MYH15: variants seen among roughly 807,000 people sequenced by gnomAD.
MYH15 encodes the protein myosin-15.
A neutral mutation model predicts 240.5 loss-of-function variants in MYH15; 227 were observed. The observed-to-expected ratio is 0.94, with a 90% CI of 0.85 to 1.05. The LOEUF (loss-of-function observed/expected upper bound fraction) is 1.05. MYH15 is among the 50% of genes least tolerant of loss of function. The pLI is 0.00. For synonymous variants in MYH15, 785 were observed against 796.7 expected, an observed-to-expected ratio of 0.99 and a Z score of 0.25; for missense variants, 2,217 against 2,247.5, an observed-to-expected ratio of 0.99 and a Z score of 0.27.
intron 1 of MYH15, among the ~76,000 whole-genome samples, chr3:108,522,032 G>A (rs1017822675): frequency 2.0e-5 from 3 of 152,088 alleles, no homozygotes; most frequent in Admixed American, 1.3e-4. Context: ...TAACAAGACC[G>A]GTTTTAAGAG....
rs2082877484 is a variant in MYH15, at chr3:108,440,685, C to T, written c.2898+333G>A. ...ATCTTTTAGCAAACCATATCATGCT[C>T]CCTCTCCTTCCAAAAAAAAAAAAAA... On this transcript the variant is annotated intron_variant, in intron 23 of 40. Transcript: ENST00000693548. Among the ~76,000 whole-genome samples, 2 of 110,450 alleles carry T rather than the reference C, an allele frequency of 1.8e-5. 1 individual carries two copies. Among genetic ancestry groups the T allele is most frequent in the East Asian group, 5.0e-4 (2 of 4,012 alleles). The allele number at this position is 110,450 out of a possible 152,430, so 72.5% of individuals were successfully genotyped here.
chr3:108,530,628 TCTGGTGGGGATGTTG>T (rs2083705151), upstream of MYH15, among the ~76,000 whole-genome samples: 1 of 152,162 alleles, frequency 6.6e-6, no homozygotes, highest in South Asian at 2.1e-4. Flanking sequence ...AGATGTGTAC[TCTGGTGGGGATGTTG>T]ATAATGGGTG....
intron 1 of MYH15, among the ~76,000 whole-genome samples, chr3:108,520,312 G>T (rs150963360): frequency 5.3e-5 from 8 of 152,036 alleles, no homozygotes; most frequent in Non-Finnish European, 8.8e-5. Flanking sequence ...ACCCCCATGC[G>T]AAAACTATCA....
chr3:108,453,308 T>TG (rs1247162474), intron 21 of MYH15, among the ~76,000 whole-genome samples: 5 of 152,142 alleles, frequency 3.3e-5, no homozygotes, highest in African/African-American at 4.8e-5. Flanking sequence ...CTTTTTCTCT[T>TG]GGGAAAAAAC....
intron 39 of MYH15, 139 bp from the exon 40 acceptor site, chr3:108,383,868 G>C (rs2082363204): frequency 1.2e-5 from 8 of 654,544 alleles, no homozygotes; most frequent in Middle Eastern, 4.4e-4. Context: ...ATCATATTTT[G>C]GTATGATATA....
intron 38 of MYH15, 108 bp downstream of exon 38, chr3:108,388,862 A>G: frequency 3.5e-6 from 3 of 854,516 alleles, no homozygotes; most frequent in Non-Finnish European, 5.6e-6. Context: ...GAGAACAAAG[A>G]TGAAGAGAGA....
chr3:108,484,942 G>T, intron 11 of MYH15, 149 bp downstream of exon 11: 1 of 763,614 alleles, frequency 1.3e-6, no homozygotes, highest in Non-Finnish European at 2.1e-6. Flanking sequence ...TAGAATGGTA[G>T]TTGACAGAAC....
chr3:108,549,053 G>A, the MYH15 span, among the ~76,000 whole-genome samples: 1 of 151,962 alleles, frequency 6.6e-6, no homozygotes, highest in East Asian at 1.9e-4. Flanking sequence ...AGTGTAAATA[G>A]TAACGGAACT....
chr3:108,391,656 G>A, intron 37 of MYH15, 104 bp downstream of exon 37: 2 of 1,212,514 alleles, frequency 1.6e-6, no homozygotes, highest in South Asian at 1.5e-5. Context: ...AAGCAAAAGT[G>A]ATAAAGGGTA....
At chr3:108,450,202 T>C (rs894167643) in intron 21 of MYH15, among the ~76,000 whole-genome samples, 1 of 152,164 alleles carries the variant, frequency 6.6e-6, no homozygotes, top group Admixed American at 6.5e-5. Flanking sequence ...ATCCCATTAA[T>C]ATTTCAAAAT....
rs767694772 is a variant in MYH15 at position 108,485,241 on chromosome 3, G to C, written c.976-12C>G. 3.1e-6 allele frequency: 5 copies of C among 1,613,636 alleles called. No individual in the cohort carries two copies. The East Asian group carries it at 1.1e-4, about 36-fold the overall frequency. The stretch of plus-strand genomic sequence containing the variant: ...ATGTCCATGGCTTGCTGTAAAAAGA[G>C]AAACAGATGGCCCTGTCTTCATTTG... On this transcript the variant is annotated splice_polypyrimidine_tract_variant and intron_variant, in intron 10 of 40. Coordinates refer to ENST00000693548, the MANE Select transcript of MYH15 (RefSeq NM_014981.3).
At chr3:108,521,563 C>A (rs1274198626) in intron 1 of MYH15, among the ~76,000 whole-genome samples, 3 of 152,184 alleles carry the variant, frequency 2.0e-5, no homozygotes, top group African/African-American at 7.2e-5. Flanking sequence ...CCTATTACAA[C>A]AGCATTGAGG....
In MYH15 at chr3:108,437,468, G is replaced by A. The variant is rs185525350; in HGVS notation, c.3221+86C>T. The stretch of plus-strand genomic sequence containing the variant: ...TTGGGTCTTGAGCTATCTGGCCCTG[G>A]AGTCCTAAGGATAAATGAAATGAGA... On this transcript the variant is annotated intron_variant, in intron 25 of 40. Transcript: ENST00000693548. 4 of 1,483,332 alleles carry A rather than the reference G, an allele frequency of 2.7e-6. No individual in the cohort carries two copies. In the East Asian group the frequency reaches 6.9e-5, roughly 26 times the overall value. 91.9% of individuals were successfully genotyped at this position (1,483,332 alleles called of 1,614,324 possible).
intron 12 of MYH15, among the ~76,000 whole-genome samples, chr3:108,475,812 G>A (rs2083214910): frequency 6.6e-6 from 1 of 152,032 alleles, no homozygotes; most frequent in Non-Finnish European, 1.5e-5. Context: ...TTACCCAGTG[G>A]CCCTGGGAAT....
intron 18 of MYH15, among the ~76,000 whole-genome samples, chr3:108,457,763 G>A (rs1242386889): frequency 6.6e-6 from 1 of 152,252 alleles, no homozygotes; most frequent in Non-Finnish European, 1.5e-5. Context: ...GGCTGGCACA[G>A]CGGCTCATGC....
At chr3:108,443,927 A>G (rs767013587) in intron 22 of MYH15, among the ~76,000 whole-genome samples, 17 of 145,084 alleles carry the variant, frequency 1.2e-4, no homozygotes, top group Non-Finnish European at 1.2e-4. Flanking sequence ...AACTGTTTTA[A>G]AAACTCAGCT....
At chr3:108,497,710 T>G (rs962576334) in intron 6 of MYH15, among the ~76,000 whole-genome samples, 4 of 152,068 alleles carry the variant, frequency 2.6e-5, no homozygotes, top group Non-Finnish European at 4.4e-5. Context: ...GCTAAAGGGA[T>G]TCAGAAATAT....
At chr3:108,436,713 A>C (rs990990427) in intron 25 of MYH15, among the ~76,000 whole-genome samples, 4 of 152,044 alleles carry the variant, frequency 2.6e-5, no homozygotes, top group Non-Finnish European at 5.9e-5. Context: ...TAATTTTTGT[A>C]TTTTTAGTAG....
intron 30 of MYH15, among the ~76,000 whole-genome samples, chr3:108,413,825 G>C (rs1466070547): frequency 6.6e-6 from 1 of 152,050 alleles, no homozygotes; most frequent in Non-Finnish European, 1.5e-5. Context: ...ACAAGTTGTA[G>C]ACCAGGGACA....
Sources: allele counts gnomAD v4.1 joint callset (sites outside exome capture counted in the v4.1 genomes callset), GRCh38; gene constraint gnomAD v4.1.1; transcripts MANE v1.5; gene names NCBI Gene and HGNC (gene_info 2026-07-23, HGNC 2026-07-21).